The following RPAP2 variants were observed in gnomAD, a reference collection of about 807,000 sequenced individuals.
RPAP2 encodes putative RNA polymerase II subunit B1 CTD phosphatase RPAP2.
RPAP2 carries 52 observed loss-of-function variants against 73.1 expected under a neutral mutation model. That is an observed-to-expected ratio of 0.71 (90% CI 0.57 to 0.90). RPAP2 has a LOEUF of 0.90. RPAP2 is among the 40% of genes least tolerant of loss of function. The pLI, the probability that RPAP2 is intolerant of heterozygous loss-of-function variation, is 0.00. For synonymous variants in RPAP2, 225 were observed against 242.1 expected (o/e 0.93, Z 0.65); for missense variants, 598 against 701.8 (o/e 0.85, Z 1.67).
Position 92,398,534 on chromosome 1 carries a change from T to C in RPAP2, c.*11523T>C, listed in dbSNP as rs1306549629. 1 of 152,200 alleles carries C rather than the reference T, an allele frequency of 6.6e-6. No homozygotes were observed. Among genetic ancestry groups the C allele is most frequent in the Non-Finnish European group, 1.5e-5 (1 of 68,054 alleles). 9.4% of individuals were successfully genotyped at this position (152,200 alleles called of 1,614,324 possible). A position where few individuals can be genotyped will look rare whatever the true frequency, so the allele number is the denominator to read the frequency against. ...CTGAAAATCTTTAGTAGCCTCACAT[T>C]ATAAGCCCTTCGTAGAAAAAGAAAA... On this transcript the variant is annotated 3_prime_UTR_variant, in exon 13 of 13. Transcript: ENST00000610020.
intron 11 of RPAP2, among the ~76,000 whole-genome samples, chr1:92,364,049 G>A (rs1292629540): frequency 3.9e-5 from 6 of 152,046 alleles, no homozygotes; most frequent in Admixed American, 3.9e-4. Context: ...GCATTGCTCA[G>A]GGGTCAACTG....
At chr1:92,309,645 A>G (rs1375290563) in intron 6 of RPAP2, among the ~76,000 whole-genome samples, 2 of 152,118 alleles carry the variant, frequency 1.3e-5, no homozygotes, top group Non-Finnish European at 2.9e-5. Flanking sequence ...ATAAAACCCA[A>G]CCTGTGAATT....
intron 11 of RPAP2, among the ~76,000 whole-genome samples, chr1:92,356,226 C>T (rs2101363692): frequency 6.6e-6 from 1 of 152,194 alleles, no homozygotes; most frequent in African/African-American, 2.4e-5. Flanking sequence ...ATCCACCTGC[C>T]TCAGCCTCCC....
At chr1:92,374,985 TAAATAA>T (rs938665506) in intron 11 of RPAP2, among the ~76,000 whole-genome samples, 9 of 151,926 alleles carry the variant, frequency 5.9e-5, no homozygotes, top group Admixed American at 2.6e-4. Flanking sequence ...ATTTAATAAA[TAAATAA>T]AAATAAAGTA....
intron 8 of RPAP2, among the ~76,000 whole-genome samples, chr1:92,332,387 GTATTTTAAA>G (rs1653021699): frequency 1.3e-5 from 2 of 152,092 alleles, no homozygotes; most frequent in South Asian, 4.2e-4. Flanking sequence ...TATTAAACAT[GTATTTTAAA>G]TAATGCTGAT....
chr1:92,374,335 A>C (rs1553155993), intron 11 of RPAP2, among the ~76,000 whole-genome samples: 1 of 152,326 alleles, frequency 6.6e-6, no homozygotes, highest in East Asian at 1.9e-4. Flanking sequence ...ATTACTGACC[A>C]TGAAAAGAAC....
At chr1:92,355,128 C>T (rs1654400945) in intron 11 of RPAP2, among the ~76,000 whole-genome samples, 1 of 151,976 alleles carries the variant, frequency 6.6e-6, no homozygotes, top group Non-Finnish European at 1.5e-5. Context: ...GTCTTGAGCT[C>T]AAGCAATCCT....
intron 11 of RPAP2, among the ~76,000 whole-genome samples, chr1:92,350,119 G>A (rs978108832): frequency 5.9e-5 from 9 of 151,982 alleles, no homozygotes; most frequent in African/African-American, 2.2e-4. Flanking sequence ...TGATTCCATG[G>A]GACTTGAATT....
At chr1:92,362,685 A>T (rs1654781792) in intron 11 of RPAP2, among the ~76,000 whole-genome samples, 2 of 152,188 alleles carry the variant, frequency 1.3e-5, no homozygotes, top group Non-Finnish European at 2.9e-5. Flanking sequence ...ACATTACAGT[A>T]ATTGAATCTC....
chr1:92,314,804 G>A (rs1651812957), intron 6 of RPAP2, among the ~76,000 whole-genome samples: 1 of 151,548 alleles, frequency 6.6e-6, no homozygotes, highest in Non-Finnish European at 1.5e-5. Flanking sequence ...CAGCACTTTG[G>A]GAGGCCAAGG....
At chr1:92,343,161 A>T (rs540278239) in intron 10 of RPAP2, among the ~76,000 whole-genome samples, 4 of 152,192 alleles carry the variant, frequency 2.6e-5, no homozygotes, top group African/African-American at 9.6e-5. Context: ...GAGAGTGCTC[A>T]TGAGAGGTGG....
At chr1:92,323,073 A>C (rs975056433) in intron 7 of RPAP2, among the ~76,000 whole-genome samples, 72 of 145,640 alleles carry the variant, frequency 4.9e-4, no homozygotes, top group African/African-American at 1.5e-3. Flanking sequence ...TTATATATAT[A>C]TTTATATATA....
At chr1:92,348,514 A>G (rs1184155787) in intron 11 of RPAP2, among the ~76,000 whole-genome samples, 2 of 152,176 alleles carry the variant, frequency 1.3e-5, no homozygotes, top group Non-Finnish European at 2.9e-5. Flanking sequence ...CACATTCTGT[A>G]TCTTCACTAG....
chr1:92,353,265 C>CAA (rs1654305882), intron 11 of RPAP2, among the ~76,000 whole-genome samples: 1 of 152,096 alleles, frequency 6.6e-6, no homozygotes, highest in Admixed American at 6.5e-5. Flanking sequence ...AAAGAACTGC[C>CAA]AAAGTGTTTT....
At chr1:92,346,016 TATC>T (rs1213381950) in intron 11 of RPAP2, 102 bp downstream of exon 11, 1 of 754,318 alleles carries the variant, frequency 1.3e-6, no homozygotes, top group Non-Finnish European at 2.2e-6. Flanking sequence ...CCTTGGAAAA[TATC>T]ATACCTCTAT....
chr1:92,376,345 G>T (rs111581930), intron 11 of RPAP2, among the ~76,000 whole-genome samples: 10 of 152,166 alleles, frequency 6.6e-5, no homozygotes, highest in African/African-American at 2.4e-4. Context: ...AGGGACTGGT[G>T]GGGGAGGAGT....
intron 10 of RPAP2, among the ~76,000 whole-genome samples, chr1:92,339,940 G>T (rs1479800030): frequency 1.3e-5 from 2 of 152,144 alleles, no homozygotes; most frequent in Non-Finnish European, 2.9e-5. Context: ...TAGATTAGCA[G>T]TAGTGTTGAA....
At chr1:92,316,919 G>T (rs1651938612) in intron 6 of RPAP2, among the ~76,000 whole-genome samples, 1 of 152,062 alleles carries the variant, frequency 6.6e-6, no homozygotes, top group Non-Finnish European at 1.5e-5. Flanking sequence ...GATGAGGGAA[G>T]GTATTTAAGG....
intron 11 of RPAP2, among the ~76,000 whole-genome samples, chr1:92,354,217 G>A (rs1038842960): frequency 6.6e-6 from 1 of 152,138 alleles, no homozygotes; most frequent in African/African-American, 2.4e-5. Flanking sequence ...GAAGCATGAA[G>A]CTTAAGGGAA....
Sources: allele counts gnomAD v4.1 joint callset (sites outside exome capture counted in the v4.1 genomes callset), GRCh38; gene constraint gnomAD v4.1.1; transcripts MANE v1.5; gene names NCBI Gene and HGNC (gene_info 2026-07-23, HGNC 2026-07-21).